The following PSD3 variants were observed in gnomAD, a reference collection of about 807,000 sequenced individuals.
The protein encoded by PSD3 is PH and SEC7 domain-containing protein 3.
In PSD3, 49 loss-of-function variants were observed where a neutral mutation model predicts 105.5. That is an observed-to-expected ratio of 0.46 (90% CI 0.37 to 0.59). The LOEUF is 0.59. PSD3 is among the 20% of genes least tolerant of loss of function. The probability of loss-of-function intolerance (pLI) is 0.00; values close to 1 mark genes in which losing one functional copy is unlikely to be tolerated. For synonymous variants in PSD3, 557 were observed against 457.8 expected, an observed-to-expected ratio of 1.22 and a Z score of -2.77; for missense variants, 1,561 against 1,263.8, an observed-to-expected ratio of 1.24 and a Z score of -3.57.
intron 1 of PSD3, among the ~76,000 whole-genome samples, chr8:19,078,881 T>C (rs1829548357): frequency 1.3e-5 from 2 of 151,154 alleles, no homozygotes; most frequent in African/African-American, 4.9e-5. Context: ...CAGAGAAGAC[T>C]GAAGAATGGG....
chr8:18,671,631 T>G (rs961739698), intron 9 of PSD3, among the ~76,000 whole-genome samples: 1 of 149,806 alleles, frequency 6.7e-6, no homozygotes, highest in Non-Finnish European at 1.5e-5. Context: ...TTTGTTTTTT[T>G]GTTTTTTGTT....
In PSD3 at chr8:18,867,874, G is replaced by A; in HGVS notation, c.1434C>T (p.Leu478=). 2 of 1,614,162 alleles carry A rather than the reference G, an allele frequency of 1.2e-6. No homozygotes were observed. The highest frequency in any genetic ancestry group is 4.5e-5 in the East Asian group (2 of 44,882). The part of the protein sequence containing the change: ...PDSYFSFEMP[L]TPMIQQRIKE... The stretch of plus-strand genomic sequence containing the variant: ...TAATGCGCTGTTGTATCATTGGAGT[G>A]AGGGGCATTTCAAAGCTAAAATAGC... The change falls in exon 4 of 16, where the codon CTC becomes CTT. Residue 478 remains leucine (L), a synonymous_variant. Transcript: ENST00000327040.
intron 1 of PSD3, among the ~76,000 whole-genome samples, chr8:18,947,277 G>C (rs1352580837): frequency 6.6e-6 from 1 of 152,198 alleles, no homozygotes; most frequent in Non-Finnish European, 1.5e-5. Context: ...AGCAGGAAAT[G>C]GACCACCAGC....
chr8:18,574,864 T>C (rs1802375551), intron 13 of PSD3, among the ~76,000 whole-genome samples: 1 of 152,202 alleles, frequency 6.6e-6, no homozygotes, highest in African/African-American at 2.4e-5. Flanking sequence ...TCATATTTTA[T>C]TGATGAGGAT....
intron 1 of PSD3, among the ~76,000 whole-genome samples, chr8:18,947,919 G>C (rs772942715): frequency 1.3e-5 from 2 of 152,154 alleles, no homozygotes; most frequent in African/African-American, 4.8e-5. Context: ...ACTAAAGTAG[G>C]ATAGAGGGAT....
At chr8:18,638,827 C>T (rs1156532482) in intron 10 of PSD3, among the ~76,000 whole-genome samples, 1 of 152,050 alleles carries the variant, frequency 6.6e-6, no homozygotes, top group East Asian at 1.9e-4. Context: ...AGTTTTTTGA[C>T]TGTAAAATAT....
chr8:18,801,311 T>A lies in PSD3; in HGVS notation c.1982A>T (p.Asn661Ile), dbSNP rs142157563. 1 of 1,606,858 alleles carries A rather than the reference T, an allele frequency of 6.2e-7. No individual in the cohort carries two copies. Among genetic ancestry groups the A allele is most frequent in the East Asian group, 2.2e-5 (1 of 44,600 alleles). The change falls in exon 7 of 16, where the codon AAT becomes ATT. Residue 661 changes from asparagine (N) to isoleucine (I), a missense_variant. Coordinates refer to ENST00000327040, the MANE Select transcript of PSD3 (RefSeq NM_015310.4). ...ATCTGGGTTACAATAAAAATATCTA[T>A]TGGAGAAGTGTATTAAAACTCTCTC... Reference protein sequence around the residue: ...ERERVLIHFSNRYFYCNPDTI... With the variant: ...ERERVLIHFSIRYFYCNPDTI...
intron 2 of PSD3, among the ~76,000 whole-genome samples, chr8:18,898,615 T>C (rs1178237245): frequency 6.6e-6 from 1 of 152,238 alleles, no homozygotes; most frequent in Non-Finnish European, 1.5e-5. Context: ...CTAGAAGTCT[T>C]ACTGATAATA....
At position 18,799,360 on chromosome 8, in the gene PSD3, A is replaced by C. The variant is rs1477074562; in HGVS notation, c.2024-7T>G. ...GTAAGGCAATGGACTCCATCTAAAG[A>C]AAGATACAAGAAAAAAAAGCATGAA... On this transcript the variant is annotated splice_polypyrimidine_tract_variant and splice_region_variant and intron_variant, in intron 7 of 15. Transcript: ENST00000327040. 6.3e-7 allele frequency: 1 copy of C among 1,584,100 alleles called. No homozygotes were observed.
At chr8:18,902,793 G>A (rs1819591871) in intron 2 of PSD3, among the ~76,000 whole-genome samples, 1 of 152,222 alleles carries the variant, frequency 6.6e-6, no homozygotes, top group South Asian at 2.1e-4. Flanking sequence ...AGCAATAACT[G>A]TGGGTGCCTC....
At chr8:19,064,068 G>C (rs1828991637) in intron 1 of PSD3, among the ~76,000 whole-genome samples, 1 of 152,072 alleles carries the variant, frequency 6.6e-6, no homozygotes, top group South Asian at 2.1e-4. Flanking sequence ...TTGAACCTGG[G>C]AGGCAGAGGT....
At chr8:19,042,213 T>A (rs1319040933) in intron 1 of PSD3, among the ~76,000 whole-genome samples, 1 of 152,232 alleles carries the variant, frequency 6.6e-6, no homozygotes, top group African/African-American at 2.4e-5. Context: ...TTTGTCCCTG[T>A]AGGCTCCTTT....
chr8:18,750,710 C>T (rs1188509988), intron 9 of PSD3, among the ~76,000 whole-genome samples: 4 of 151,868 alleles, frequency 2.6e-5, no homozygotes, highest in African/African-American at 9.7e-5. Context: ...TTTACAATCC[C>T]GGAGCTAGAT....
chr8:18,803,436 A>AAAACC (rs1170191843), intron 6 of PSD3, among the ~76,000 whole-genome samples: 1 of 126,434 alleles, frequency 7.9e-6, no homozygotes, highest in Admixed American at 8.2e-5. Context: ...TCATCATTCA[A>AAAACC]AAACCAAACT....
intron 9 of PSD3, among the ~76,000 whole-genome samples, chr8:18,755,208 C>T (rs1805914201): frequency 6.6e-6 from 1 of 152,006 alleles, no homozygotes; most frequent in Non-Finnish European, 1.5e-5. Flanking sequence ...GTGGGCGGAT[C>T]ACTTGAGGCT....
At chr8:18,766,251 T>C (rs1806989748) in intron 8 of PSD3, among the ~76,000 whole-genome samples, 1 of 152,054 alleles carries the variant, frequency 6.6e-6, no homozygotes, top group African/African-American at 2.4e-5. Flanking sequence ...TGAGAATCAC[T>C]TGAACCCAGG....
At chr8:18,705,929 T>C (rs1033349695) in intron 9 of PSD3, among the ~76,000 whole-genome samples, 5 of 152,228 alleles carry the variant, frequency 3.3e-5, no homozygotes, top group African/African-American at 1.2e-4. Flanking sequence ...ATCTACTGCA[T>C]ATCCTACTCC....
At chr8:18,564,892 TC>T (rs1448197374) in intron 14 of PSD3, among the ~76,000 whole-genome samples, 1 of 152,092 alleles carries the variant, frequency 6.6e-6, no homozygotes, top group East Asian at 1.9e-4. Context: ...CTGATCAGTA[TC>T]CATCTTAAGT....
chr8:19,025,642 C>T (rs1231506424), intron 1 of PSD3, among the ~76,000 whole-genome samples: 1 of 152,152 alleles, frequency 6.6e-6, no homozygotes, highest in Non-Finnish European at 1.5e-5. Context: ...GCCACTTGGT[C>T]AGAAGTACTG....
Sources: gnomAD v4.1 joint callset for allele counts (sites outside exome capture counted in the v4.1 genomes callset) on GRCh38, gnomAD v4.1.1 for gene constraint, MANE v1.5 for transcripts, NCBI Gene and HGNC (gene_info 2026-07-23, HGNC 2026-07-21) for gene names.